Variants in MYO1D observed in about 807,000 individuals in gnomAD.
The protein encoded by MYO1D is myosin ID.
A neutral mutation model predicts 122.0 loss-of-function variants in MYO1D; 83 were observed. The observed-to-expected ratio is 0.68, with a 90% CI of 0.57 to 0.82. The LOEUF is 0.82. Ranked by LOEUF, MYO1D falls within the 40% of genes least tolerant of loss-of-function variation. MYO1D has a pLI of 0.00. For synonymous variants in MYO1D, 464 were observed against 446.9 expected (o/e 1.04, Z -0.48); for missense variants, 1,157 against 1,269.5 (o/e 0.91, Z 1.35).
At chr17:32,863,519 G>A (rs531137437) in intron 1 of MYO1D, among the ~76,000 whole-genome samples, 3 of 152,142 alleles carry the variant, frequency 2.0e-5, no homozygotes, top group East Asian at 1.9e-4. Context: ...GGGAATTCAC[G>A]GGGAGGCACA....
chr17:32,752,604 G>C (rs1009555285), intron 11 of MYO1D, among the ~76,000 whole-genome samples: 10 of 152,046 alleles, frequency 6.6e-5, no homozygotes, highest in Non-Finnish European at 1.5e-4. Flanking sequence ...TAAAAAGTAG[G>C]CAAAGAACAT....
intron 21 of MYO1D, among the ~76,000 whole-genome samples, chr17:32,535,490 A>G (rs7215070): frequency 0.64 from 96,903 of 152,158 alleles, 32,403 homozygotes; most frequent in African/African-American, 0.81. Flanking sequence ...GCTCACGCCT[A>G]TAATCCCAGC....
chr17:32,876,897 G>A lies in MYO1D; in HGVS notation c.-25C>T. On this transcript the variant is annotated 5_prime_UTR_variant, in exon 1 of 22. Coordinates refer to ENST00000318217, the MANE Select transcript of MYO1D (RefSeq NM_015194.3). ...TGGCGCCAGCGCGGGGGCTCAGGTG[G>A]GCGCGCTCGGGCCTCCGGGGCCGCT... 7 of 1,428,366 alleles carry A rather than the reference G, an allele frequency of 4.9e-6. No homozygotes were observed. Among genetic ancestry groups the A allele is most frequent in the Non-Finnish European group, 6.5e-6 (7 of 1,072,028 alleles). 88.5% of individuals were successfully genotyped at this position (1,428,366 alleles called of 1,614,324 possible).
chr17:32,611,265 G>A (rs994237784), intron 20 of MYO1D, among the ~76,000 whole-genome samples: 11 of 152,138 alleles, frequency 7.2e-5, no homozygotes, highest in Admixed American at 5.9e-4. Context: ...ATATTAGAAA[G>A]AGAAATAATT....
At position 32,499,877 on chromosome 17, in the gene MYO1D, C is replaced by T. The variant is rs572822763; in HGVS notation, c.2865-4962G>A. ...ACTTGGGAGACTGAGGTGGAAGAATCGCTGGAGCCTGGGAGGCGGAGGCTG... is the reference window on the plus strand; with the variant it reads ...ACTTGGGAGACTGAGGTGGAAGAATTGCTGGAGCCTGGGAGGCGGAGGCTG... On this transcript the variant is annotated intron_variant, in intron 21 of 21. Coordinates refer to ENST00000318217, the MANE Select transcript of MYO1D (RefSeq NM_015194.3). 9.2e-5 allele frequency among the ~76,000 whole-genome samples: 14 copies of T among 152,084 alleles called. No individual in the cohort carries two copies. In the South Asian group the frequency reaches 1.0e-3, roughly 11 times the overall value.
chr17:32,647,494 T>TA lies in MYO1D; in HGVS notation c.2595+6348dup, dbSNP rs578229924. Among the ~76,000 whole-genome samples the TA allele has an allele frequency of 2.9e-4, 44 of 152,320 alleles. No homozygotes were observed. The East Asian group carries it at 8.1e-3, about 28-fold the overall frequency. ...CATAAAATTGTCATTGCTGGAAAGA[T>TA]AGAGACATCAGGCATTTCTGTAGTA... On this transcript the variant is annotated intron_variant, in intron 19 of 21. Transcript: ENST00000318217.
At chr17:32,822,291 G>T (rs2090672905) in intron 1 of MYO1D, among the ~76,000 whole-genome samples, 1 of 150,290 alleles carries the variant, frequency 6.7e-6, no homozygotes, top group Non-Finnish European at 1.5e-5. Context: ...ACCAAACACC[G>T]CATGTTCTCA....
intron 21 of MYO1D, among the ~76,000 whole-genome samples, chr17:32,553,568 G>A (rs114630548): frequency 0.011 from 1,661 of 152,238 alleles, 24 homozygotes; most frequent in African/African-American, 0.037. Flanking sequence ...GAAGGGCCTA[G>A]GTATCTTGCT....
chr17:32,538,568 G>A (rs1383245882), intron 21 of MYO1D, among the ~76,000 whole-genome samples: 1 of 151,324 alleles, frequency 6.6e-6, no homozygotes, highest in Non-Finnish European at 1.5e-5. Context: ...CAAAAGCATT[G>A]GGATTATAGG....
chr17:32,776,481 G>C (rs1214363063), intron 3 of MYO1D, among the ~76,000 whole-genome samples: 1 of 152,130 alleles, frequency 6.6e-6, no homozygotes, highest in Non-Finnish European at 1.5e-5. Context: ...GGCAAGGTAG[G>C]ATTTCAGGGA....
chr17:32,770,898 ACTT>A (rs1477470908), intron 6 of MYO1D, among the ~76,000 whole-genome samples: 2 of 152,310 alleles, frequency 1.3e-5, no homozygotes, highest in East Asian at 3.9e-4. Flanking sequence ...GTAGGAAAAA[ACTT>A]CTTTCCTGTC....
intron 21 of MYO1D, among the ~76,000 whole-genome samples, chr17:32,533,489 C>T (rs1246220734): frequency 6.6e-6 from 1 of 152,190 alleles, no homozygotes; most frequent in Admixed American, 6.5e-5. Flanking sequence ...ACAGCTGCTG[C>T]CTGCCACCCA....
chr17:32,569,645 A>G lies in MYO1D; in HGVS notation c.2864+35442T>C, dbSNP rs1858810096. ...CCTCCATAATGCCTTTTCTCTCCCAAAGCATTAGTCTTGGAGAGATGAGCA... is the reference window on the plus strand; with the variant it reads ...CCTCCATAATGCCTTTTCTCTCCCAGAGCATTAGTCTTGGAGAGATGAGCA... On this transcript the variant is annotated intron_variant, in intron 21 of 21. Coordinates refer to ENST00000318217, the MANE Select transcript of MYO1D (RefSeq NM_015194.3). Among the ~76,000 whole-genome samples the G allele has an allele frequency of 2.0e-5, 3 of 152,256 alleles. 1 individual carries two copies. Among genetic ancestry groups the G allele is most frequent in the Middle Eastern group, 6.8e-3 (2 of 294 alleles).
rs572620333 is a variant in MYO1D at position 32,683,900 on chromosome 17, C to T, written c.2122-24562G>A. ...ACTGCTGTGCTAGCAATCAGCGAGA[C>T]TCCGTGGGCGTAGGACCCTCCGAGC... On this transcript the variant is annotated intron_variant, in intron 16 of 21. Coordinates refer to ENST00000318217, the MANE Select transcript of MYO1D (RefSeq NM_015194.3). Among the ~76,000 whole-genome samples the T allele has an allele frequency of 4.6e-3, 705 of 152,082 alleles. 4 individuals carry two copies. The highest frequency in any genetic ancestry group is 0.01 in the Middle Eastern group (3 of 294).
chr17:32,862,454 A>G (rs2091085845), intron 1 of MYO1D, among the ~76,000 whole-genome samples: 1 of 152,248 alleles, frequency 6.6e-6, no homozygotes, highest in Admixed American at 6.5e-5. Flanking sequence ...CTATGTGAGA[A>G]AACAGTTTAC....
rs1399452694 is a variant in MYO1D, at chr17:32,843,741, C to A, written c.95+33037G>T. ...TTTCGAAAGGACATATACACAAACT[C>A]ATTCAGCCACATTCCAGTCTAGAAT... On this transcript the variant is annotated intron_variant, in intron 1 of 21. Coordinates refer to ENST00000318217, the MANE Select transcript of MYO1D (RefSeq NM_015194.3). Among the ~76,000 whole-genome samples the A allele has an allele frequency of 2.0e-5, 3 of 152,180 alleles. No homozygotes were observed. The East Asian group carries it at 5.8e-4, about 29-fold the overall frequency.
intron 16 of MYO1D, among the ~76,000 whole-genome samples, chr17:32,670,021 T>C (rs531639995): frequency 1.3e-5 from 2 of 152,028 alleles, no homozygotes; most frequent in Admixed American, 6.5e-5. Flanking sequence ...ACCTCCTGAG[T>C]AGCCCAGGGT....
At chr17:32,826,695 C>A (rs1022247955) in intron 1 of MYO1D, among the ~76,000 whole-genome samples, 5 of 152,128 alleles carry the variant, frequency 3.3e-5, no homozygotes, top group African/African-American at 1.2e-4. Flanking sequence ...AAATTTCTAT[C>A]TGAATAGAAG....
At chr17:32,668,368 A>G (rs2088664799) in intron 16 of MYO1D, among the ~76,000 whole-genome samples, 1 of 152,236 alleles carries the variant, frequency 6.6e-6, no homozygotes, top group Non-Finnish European at 1.5e-5. Context: ...TCAGGCTTTG[A>G]CCTTGTGTGA....
Sources: gnomAD v4.1 joint callset for allele counts (sites outside exome capture counted in the v4.1 genomes callset) on GRCh38, gnomAD v4.1.1 for gene constraint, MANE v1.5 for transcripts, NCBI Gene and HGNC (gene_info 2026-07-23, HGNC 2026-07-21) for gene names.